Variants in PRKD1 observed in about 807,000 individuals in gnomAD.
The protein encoded by PRKD1 is protein kinase D1.
Under a neutral mutation model 95.9 loss-of-function variants are expected in PRKD1, and 63 were observed. The observed-to-expected ratio is 0.66, with a 90% CI of 0.54 to 0.81. The LOEUF (loss-of-function observed/expected upper bound fraction) is 0.81, where lower values mean the gene tolerates loss of function less well. Ranked by LOEUF, PRKD1 falls within the 30% of genes least tolerant of loss-of-function variation. The pLI is 0.00. For synonymous variants in PRKD1, 425 were observed against 423.1 expected, an observed-to-expected ratio of 1.00 and a Z score of -0.05; for missense variants, 1,048 against 1,165.3, an observed-to-expected ratio of 0.90 and a Z score of 1.47.
At chr14:29,663,618 C>A (rs1162510613) in intron 4 of PRKD1, 81 bp downstream of exon 4, 1 of 1,494,432 alleles carries the variant, frequency 6.7e-7, no homozygotes, top group Non-Finnish European at 9.3e-7. Context: ...TCCTAGCGCC[C>A]TGTCTTGGAT....
chr14:29,614,417 A>T (rs1878703173), intron 13 of PRKD1, among the ~76,000 whole-genome samples: 1 of 152,220 alleles, frequency 6.6e-6, no homozygotes, highest in Non-Finnish European at 1.5e-5. Flanking sequence ...CATTTTAAAA[A>T]AAGGAATAAA....
chr14:29,725,465 A>C, intron 2 of PRKD1, 71 bp downstream of exon 2: 1 of 1,536,218 alleles, frequency 6.5e-7, no homozygotes, highest in Non-Finnish European at 8.9e-7. Flanking sequence ...TTCCTTAAAA[A>C]CATATGCCCA....
At chr14:29,666,510 A>G (rs750637694) in intron 2 of PRKD1, among the ~76,000 whole-genome samples, 3 of 152,078 alleles carry the variant, frequency 2.0e-5, no homozygotes, top group Non-Finnish European at 2.9e-5. Flanking sequence ...CACCTGATTT[A>G]CAAACACCTG....
intron 13 of PRKD1, among the ~76,000 whole-genome samples, chr14:29,622,037 G>A (rs1879298718): frequency 6.6e-6 from 1 of 152,116 alleles, no homozygotes; most frequent in African/African-American, 2.4e-5. Context: ...AACCTTTTTG[G>A]CAACAGGGAC....
At chr14:29,762,179 C>T (rs150354397) in intron 1 of PRKD1, among the ~76,000 whole-genome samples, 35 of 152,268 alleles carry the variant, frequency 2.3e-4, no homozygotes, top group African/African-American at 7.9e-4. Flanking sequence ...TGGATAAACA[C>T]ACTAGTTTTA....
At chr14:29,603,049 A>T (rs1243321905) in intron 13 of PRKD1, among the ~76,000 whole-genome samples, 2 of 152,188 alleles carry the variant, frequency 1.3e-5, no homozygotes, top group Non-Finnish European at 2.9e-5. Flanking sequence ...TTAGATATAC[A>T]AATTTTTAAA....
At chr14:29,674,485 G>A (rs1338717679) in intron 2 of PRKD1, among the ~76,000 whole-genome samples, 1 of 152,166 alleles carries the variant, frequency 6.6e-6, no homozygotes, top group Non-Finnish European at 1.5e-5. Flanking sequence ...AAAGAGATTA[G>A]AGAGCATCTC....
chr14:29,626,581 A>T, intron 11 of PRKD1, 25 bp from the exon 12 acceptor site: 1 of 1,510,620 alleles, frequency 6.6e-7, no homozygotes, highest in Non-Finnish European at 9.0e-7. Flanking sequence ...CCAATGAAAA[A>T]AAAACATGAA....
intron 1 of PRKD1, among the ~76,000 whole-genome samples, chr14:29,730,650 T>C (rs551824144): frequency 8.9e-4 from 136 of 152,076 alleles, no homozygotes; most frequent in Non-Finnish European, 1.6e-3. Flanking sequence ...TAAATATATA[T>C]AGAAAATGTG....
chr14:29,622,926 T>G (rs4981713), intron 13 of PRKD1, among the ~76,000 whole-genome samples: 76,125 of 152,122 alleles, frequency 0.5, 21,409 homozygotes, highest in African/African-American at 0.77. Flanking sequence ...GCTAACTCTG[T>G]ATTCCTTCCC....
intron 1 of PRKD1, among the ~76,000 whole-genome samples, chr14:29,785,844 A>C (rs1889249976): frequency 6.6e-6 from 1 of 151,204 alleles, no homozygotes; most frequent in Non-Finnish European, 1.5e-5. Flanking sequence ...AAAATAAATA[A>C]ATAAATAAAT....
intron 16 of PRKD1, among the ~76,000 whole-genome samples, chr14:29,584,270 A>G (rs1408237814): frequency 2.0e-5 from 3 of 152,202 alleles, no homozygotes; most frequent in Non-Finnish European, 2.9e-5. Context: ...CCAAGTGTGT[A>G]GATACAAAAG....
At chr14:29,839,994 C>T (rs1891767848) in intron 1 of PRKD1, among the ~76,000 whole-genome samples, 1 of 152,096 alleles carries the variant, frequency 6.6e-6, no homozygotes, top group African/African-American at 2.4e-5. Context: ...AGACATTTTC[C>T]CATTGTCCTG....
At chr14:29,764,376 G>A (rs1888166725) in intron 1 of PRKD1, among the ~76,000 whole-genome samples, 1 of 152,118 alleles carries the variant, frequency 6.6e-6, no homozygotes, top group South Asian at 2.1e-4. Flanking sequence ...CAATACTGAA[G>A]GAAAAATTGG....
At chr14:29,883,997 T>C (rs548478508) in intron 1 of PRKD1, among the ~76,000 whole-genome samples, 3 of 152,218 alleles carry the variant, frequency 2.0e-5, no homozygotes, top group East Asian at 3.8e-4. Flanking sequence ...GCAGAGATGA[T>C]CATCAAATGG....
chr14:29,843,629 A>G (rs2139322282), intron 1 of PRKD1, among the ~76,000 whole-genome samples: 1 of 152,324 alleles, frequency 6.6e-6, no homozygotes, highest in Non-Finnish European at 1.5e-5. Context: ...TTCAACAAAC[A>G]TTTATTGAGC....
At chr14:29,763,326 AGAAGGAAG>A (rs1236592043) in intron 1 of PRKD1, among the ~76,000 whole-genome samples, 1 of 126,734 alleles carries the variant, frequency 7.9e-6, no homozygotes, top group Non-Finnish European at 1.7e-5. Flanking sequence ...AAAAGAAAAA[AGAAGGAAG>A]GAAGGAACGA....
Position 29,636,337 on chromosome 14 carries a change from C to T in PRKD1, c.1143G>A (p.Glu381=). ...CGTGGTCTGGGTCTGGATCTTGCAT[C>T]TCGCCACTGTCGTTCTGGCACTCTG... is the stretch of plus-strand genomic sequence containing the variant. ...AMAECQNDSG[E]MQDPDPDHED... Residue 381 remains glutamate, a synonymous_variant, in exon 7 of 18, where the codon GAG becomes GAA. Transcript: ENST00000331968. 2 of 1,614,202 alleles carry T rather than the reference C, an allele frequency of 1.2e-6. No individual in the cohort carries two copies. The highest frequency in any genetic ancestry group is 1.7e-6 in the Non-Finnish European group (2 of 1,180,042).
chr14:29,652,551 A>G (rs183611839), intron 4 of PRKD1, among the ~76,000 whole-genome samples: 3 of 152,324 alleles, frequency 2.0e-5, no homozygotes, highest in Non-Finnish European at 2.9e-5. Context: ...TCACTACTGC[A>G]CATAGTCTCA....
Sources: allele counts gnomAD v4.1 joint callset (sites outside exome capture counted in the v4.1 genomes callset), GRCh38; gene constraint gnomAD v4.1.1; transcripts MANE v1.5; gene names NCBI Gene and HGNC (gene_info 2026-07-23, HGNC 2026-07-21).